The following ZFAT variants were observed in gnomAD, a reference collection of about 807,000 sequenced individuals.
ZFAT encodes zinc finger and AT-hook domain containing, also known as zinc finger protein ZFAT.
In ZFAT, 64 loss-of-function variants were observed where a neutral mutation model predicts 117.7. That is an observed-to-expected ratio of 0.54 (90% confidence interval 0.44 to 0.67). The LOEUF (loss-of-function observed/expected upper bound fraction) is 0.67. Among genes scored for constraint, ZFAT ranks in the 30% least tolerant of loss-of-function variants. ZFAT has a pLI of 0.00. For synonymous variants in ZFAT, 679 were observed against 615.0 expected (o/e 1.10, Z -1.54); for missense variants, 1,433 against 1,584.5 (o/e 0.90, Z 1.62).
intron 2 of ZFAT, among the ~76,000 whole-genome samples, chr8:134,647,238 T>C (rs1357583387): frequency 2.0e-5 from 3 of 152,184 alleles, no homozygotes; most frequent in Non-Finnish European, 4.4e-5. Flanking sequence ...ATAAATGTGA[T>C]ATATAACATT....
chr8:134,493,687 C>T (rs1471417302), intron 15 of ZFAT, among the ~76,000 whole-genome samples: 1 of 152,214 alleles, frequency 6.6e-6, no homozygotes, highest in African/African-American at 2.4e-5. Context: ...AGGCACGGCA[C>T]TCATGACTGC....
At chr8:134,810,698 AAGAATAAAGCTCTCAC>A in the ZFAT span, among the ~76,000 whole-genome samples, 1 of 152,162 alleles carries the variant, frequency 6.6e-6, no homozygotes, top group Non-Finnish European at 1.5e-5. Flanking sequence ...TACAACATAA[AAGAATAAAGCTCTCAC>A]AGAATAGTTG....
chr8:134,533,677 C>T (rs1284677815), intron 11 of ZFAT, among the ~76,000 whole-genome samples: 1 of 152,230 alleles, frequency 6.6e-6, no homozygotes, highest in Non-Finnish European at 1.5e-5. Flanking sequence ...ATCTATTTCT[C>T]ATGCCCACCT....
At position 134,655,100 on chromosome 8, in the gene ZFAT, G is replaced by A. The variant is rs758290986; in HGVS notation, c.196+2461C>T. Among the ~76,000 whole-genome samples the A allele has an allele frequency of 2.6e-5, 4 of 152,152 alleles. No homozygotes were observed. In the East Asian group the frequency reaches 7.7e-4, roughly 29 times the overall value. On this transcript the variant is annotated intron_variant, in intron 2 of 15. Transcript: ENST00000377838. The stretch of plus-strand genomic sequence containing the variant: ...GGCCTTTGCATTCAGTTGCTCCTCC[G>A]CCAGCAGTCGGGGAACCGTGGCTGT...
At chr8:134,773,422 A>G in the ZFAT span, among the ~76,000 whole-genome samples, 2 of 152,244 alleles carry the variant, frequency 1.3e-5, no homozygotes, top group African/African-American at 4.8e-5. Flanking sequence ...ATGGTGATGT[A>G]CAAGATGAGT....
chr8:134,634,220 A>T (rs1271434337), intron 3 of ZFAT, among the ~76,000 whole-genome samples: 1 of 152,362 alleles, frequency 6.6e-6, no homozygotes, highest in Non-Finnish European at 1.5e-5. Context: ...TGAAAAATTT[A>T]TCTGCCACAT....
rs77755132 is a variant in ZFAT at position 134,635,295 on chromosome 8, G to A, written c.448+2166C>T. Among the ~76,000 whole-genome samples the A allele has an allele frequency of 1.8e-3, 275 of 152,278 alleles. 1 individual carries two copies. The highest frequency in any genetic ancestry group is 6.3e-3 in the African/African-American group (263 of 41,562). ...AAACCCAGAGCTTGACCTGAGGTCT[G>A]GAAGAATGGAAAGCAGAAAAATTTA... is the stretch of plus-strand genomic sequence containing the variant. On this transcript the variant is annotated intron_variant, in intron 3 of 15. Coordinates refer to ENST00000377838, the MANE Select transcript of ZFAT (RefSeq NM_020863.4).
chr8:134,768,157 C>G, the ZFAT span, among the ~76,000 whole-genome samples: 1 of 152,132 alleles, frequency 6.6e-6, no homozygotes, highest in Non-Finnish European at 1.5e-5. Flanking sequence ...TCTGTAAGCT[C>G]CATTTTTTCC....
Position 134,610,530 on chromosome 8 carries a change from G to C in ZFAT, c.574C>G (p.Leu192Val), listed in dbSNP as rs767943981. The change falls in exon 4 of 16, where the codon CTT becomes GTT. Residue 192 changes from leucine to valine, a missense_variant. Coordinates refer to ENST00000377838, the MANE Select transcript of ZFAT (RefSeq NM_020863.4). ...QKISGKEARQ[L>V]SGAKKPIISV... ...ATGATGGGTTTCTTCGCCCCAGAAA[G>C]CTGTCTGGCCTCCTTTCCTGAGATC... The C allele has an allele frequency of 1.9e-6, 3 of 1,614,174 alleles. No individual in the cohort carries two copies. Among genetic ancestry groups the C allele is most frequent in the Admixed American group, 1.7e-5 (1 of 60,024 alleles).
intron 1 of ZFAT, among the ~76,000 whole-genome samples, chr8:134,702,466 T>C (rs1422174908): frequency 1.3e-5 from 2 of 152,142 alleles, no homozygotes; most frequent in Admixed American, 6.5e-5. Context: ...AATTGAATCT[T>C]GGGGACTGTT....
At chr8:134,664,506 CAGAGCAG>C (rs1016245879) in intron 1 of ZFAT, among the ~76,000 whole-genome samples, 4 of 152,218 alleles carry the variant, frequency 2.6e-5, no homozygotes, top group Non-Finnish European at 1.5e-5. Flanking sequence ...TCCAAAAGCC[CAGAGCAG>C]AGAGCATGGT....
At chr8:134,640,424 C>G (rs1165858046) in intron 2 of ZFAT, among the ~76,000 whole-genome samples, 1 of 152,160 alleles carries the variant, frequency 6.6e-6, no homozygotes, top group Non-Finnish European at 1.5e-5. Context: ...CACACAGACT[C>G]AATGGAGCAC....
chr8:134,646,384 C>T (rs1186882282), intron 2 of ZFAT, among the ~76,000 whole-genome samples: 1 of 151,658 alleles, frequency 6.6e-6, no homozygotes, highest in Non-Finnish European at 1.5e-5. Flanking sequence ...AAAACAAAAA[C>T]ACAACATACC....
At chr8:134,713,227 C>T (rs960951788), upstream of ZFAT, among the ~76,000 whole-genome samples, 5 of 152,156 alleles carry the variant, frequency 3.3e-5, no homozygotes, top group African/African-American at 4.8e-5. Flanking sequence ...GGGAGGGGCC[C>T]TCGGGAGGTC....
chr8:134,814,357 G>A, the ZFAT span, among the ~76,000 whole-genome samples: 3 of 152,144 alleles, frequency 2.0e-5, no homozygotes, highest in Non-Finnish European at 2.9e-5. Context: ...AACCTACCTC[G>A]CTTAAGAGAA....
chr8:134,805,439 G>A, the ZFAT span, among the ~76,000 whole-genome samples: 2 of 152,188 alleles, frequency 1.3e-5, no homozygotes. Context: ...TCTAAACTGA[G>A]TAAGAATCTA....
intron 11 of ZFAT, among the ~76,000 whole-genome samples, chr8:134,545,667 T>G (rs1010439596): frequency 6.6e-6 from 1 of 152,214 alleles, no homozygotes; most frequent in African/African-American, 2.4e-5. Context: ...TGTGTTTTAC[T>G]GGCAAAAACC....
chr8:134,538,146 T>A (rs1038272006), intron 11 of ZFAT, among the ~76,000 whole-genome samples: 3 of 152,038 alleles, frequency 2.0e-5, no homozygotes, highest in African/African-American at 7.3e-5. Flanking sequence ...TTGGATCAGC[T>A]CCCTGGAACA....
At chr8:134,792,281 C>T in the ZFAT span, 1 of 152,080 alleles carries the variant, frequency 6.6e-6, no homozygotes, top group Non-Finnish European at 1.5e-5. Context: ...AAATACAATC[C>T]GTGAACACCT....
Sources: allele counts gnomAD v4.1 joint callset (sites outside exome capture counted in the v4.1 genomes callset), GRCh38; gene constraint gnomAD v4.1.1; transcripts MANE v1.5; gene names NCBI Gene and HGNC (gene_info 2026-07-23, HGNC 2026-07-21).